The following XRCC5 variants were observed in gnomAD, a reference collection of about 807,000 sequenced individuals.
The protein encoded by XRCC5 is X-ray repair cross complementing 5.
A neutral mutation model predicts 95.7 loss-of-function variants in XRCC5; 12 were observed. The observed-to-expected ratio is 0.13, with a 90% CI of 0.08 to 0.20. The LOEUF is 0.20. Ranked by LOEUF, XRCC5 falls within the 10% of genes least tolerant of loss-of-function variation. The pLI is 1.00. For missense variants in XRCC5, 595 were observed against 873.9 expected (o/e 0.68, Z 4.02); for synonymous variants, 281 against 290.3 (o/e 0.97, Z 0.33).
intron 17 of XRCC5, among the ~76,000 whole-genome samples, chr2:216,192,144 G>T (rs1228401141): frequency 6.6e-6 from 1 of 151,994 alleles, no homozygotes; most frequent in Non-Finnish European, 1.5e-5. Context: ...GAATACATGC[G>T]CCTGCCACCG....
At chr2:216,127,753 A>G (rs1237411789) in intron 8 of XRCC5, 79 bp downstream of exon 8, 4 of 1,420,810 alleles carry the variant, frequency 2.8e-6, no homozygotes, top group Non-Finnish European at 3.8e-6. Flanking sequence ...GGTTTGTATT[A>G]TTCTTTGTTT....
intron 6 of XRCC5, among the ~76,000 whole-genome samples, chr2:216,122,730 A>T (rs1574454143): frequency 6.6e-6 from 1 of 151,464 alleles, no homozygotes. Context: ...TAAACTTTTG[A>T]TCACAAAGCA....
chr2:216,187,598 G>A (rs965446227), intron 16 of XRCC5, among the ~76,000 whole-genome samples: 2 of 150,868 alleles, frequency 1.3e-5, no homozygotes, highest in Admixed American at 6.6e-5. Context: ...TTTTCGCAAA[G>A]CAATTTAGTA....
At chr2:216,146,989 A>C (rs1384672356) in intron 13 of XRCC5, among the ~76,000 whole-genome samples, 1 of 152,226 alleles carries the variant, frequency 6.6e-6, no homozygotes, top group Admixed American at 6.5e-5. Flanking sequence ...AGGGTTAGAT[A>C]ATAAACAAGT....
At chr2:216,159,967 C>CTTTTTT in intron 14 of XRCC5, 101 bp from the exon 15 acceptor site, 1 of 581,298 alleles carries the variant, frequency 1.7e-6, no homozygotes, top group Non-Finnish European at 2.7e-6. Flanking sequence ...TCTTCTTCTT[C>CTTTTTT]TTTTTTCTTT....
chr2:216,141,194 T>C lies in XRCC5; in HGVS notation c.1351T>C (p.Leu451=), dbSNP rs766808840. ...SKKYAPTEAQ[L]NAVDALIDSM... ...CGGCTTCTCTGTTTAAGAGGCACAG[T>C]TGAATGCTGTTGATGCTTTGATTGA... Residue 451 remains leucine, a synonymous_variant, in exon 13 of 21, where the codon TTG becomes CTG. Transcript: ENST00000392132. The C allele has an allele frequency of 6.2e-7, 1 of 1,614,102 alleles. No individual in the cohort carries two copies. The highest frequency in any genetic ancestry group is 8.5e-7 in the Non-Finnish European group (1 of 1,180,000).
chr2:216,125,931 A>T lies in XRCC5; in HGVS notation c.698A>T (p.Lys233Ile), dbSNP rs774011576. 6.2e-7 allele frequency: 1 copy of T among 1,613,632 alleles called. No individual in the cohort carries two copies. The highest frequency in any genetic ancestry group is 1.7e-5 in the Admixed American group (1 of 60,004). Residue 233 changes from lysine (K) to isoleucine (I), a missense_variant, in exon 7 of 21, where the codon AAA becomes ATA. Lys to Ile is a moderately radical substitution (Grantham distance 102, BLOSUM62 -3). Transcript: ENST00000392132. The stretch of plus-strand genomic sequence containing the variant: ...TCTTTATTAAGTGAGAGTCTGAGAA[A>T]ACTGTGCGTCTTCAAGAAAATTGAG... ...EIYSFSESLR[K>I]LCVFKKIERH...
At chr2:216,121,802 G>T (rs750405351) in intron 5 of XRCC5, among the ~76,000 whole-genome samples, 3 of 152,160 alleles carry the variant, frequency 2.0e-5, no homozygotes, top group South Asian at 2.1e-4. Context: ...GAGACCCTGG[G>T]TCTGGACTTC....
intron 1 of XRCC5, among the ~76,000 whole-genome samples, chr2:216,111,055 A>G (rs1696583070): frequency 6.6e-6 from 1 of 152,206 alleles, no homozygotes; most frequent in African/African-American, 2.4e-5. Flanking sequence ...CAGGTTTTTA[A>G]AACATTTCTA....
At chr2:216,202,806 G>A (rs571485282) in intron 19 of XRCC5, among the ~76,000 whole-genome samples, 2 of 152,282 alleles carry the variant, frequency 1.3e-5, no homozygotes, top group African/African-American at 2.4e-5. Context: ...TTATGTCCAT[G>A]GTGCTGACAA....
At chr2:216,171,203 A>C (rs1689159153) in intron 16 of XRCC5, among the ~76,000 whole-genome samples, 2 of 152,252 alleles carry the variant, frequency 1.3e-5, no homozygotes, top group African/African-American at 4.8e-5. Context: ...ATGCAATAAA[A>C]GTGTTTGGGT....
intron 14 of XRCC5, chr2:216,156,317 T>C (rs947912351): frequency 1.6e-6 from 1 of 635,096 alleles, no homozygotes; most frequent in South Asian, 1.4e-5. Flanking sequence ...AGAAGCAATA[T>C]GATGCTGTGG....
chr2:216,197,998 C>T (rs913177687), intron 19 of XRCC5, among the ~76,000 whole-genome samples: 5 of 152,142 alleles, frequency 3.3e-5, no homozygotes, highest in Admixed American at 1.3e-4. Flanking sequence ...GTATCCAACT[C>T]CCGAACCAAA....
At chr2:216,134,138 T>C (rs927993906) in intron 10 of XRCC5, among the ~76,000 whole-genome samples, 1 of 152,244 alleles carries the variant, frequency 6.6e-6, no homozygotes, top group South Asian at 2.1e-4. Flanking sequence ...TTATCACCAC[T>C]AGTCAGATGT....
intron 14 of XRCC5, among the ~76,000 whole-genome samples, chr2:216,150,620 C>T (rs1403920804): frequency 6.6e-6 from 1 of 152,064 alleles, no homozygotes; most frequent in East Asian, 1.9e-4. Flanking sequence ...CATATATAAA[C>T]GTATCTAATG....
At chr2:216,114,572 G>A (rs751914135) in intron 2 of XRCC5, among the ~76,000 whole-genome samples, 51 of 151,790 alleles carry the variant, frequency 3.4e-4, no homozygotes, top group Non-Finnish European at 7.1e-4. Context: ...TTAGAAATCC[G>A]TCCCTCTGAA....
chr2:216,113,269 C>T (rs1414892703), intron 2 of XRCC5, 140 bp downstream of exon 2: 2 of 644,384 alleles, frequency 3.1e-6, no homozygotes, highest in Non-Finnish European at 5.3e-6. Context: ...CTTACATGTA[C>T]TCACATACAA....
intron 16 of XRCC5, 87 bp downstream of exon 16, chr2:216,162,135 G>C (rs1287436819): frequency 6.9e-6 from 9 of 1,299,804 alleles, no homozygotes; most frequent in Non-Finnish European, 1.0e-5. Context: ...GCCTTTTGTT[G>C]TAACACTTTA....
At chr2:216,131,999 C>A (rs555969268) in intron 9 of XRCC5, among the ~76,000 whole-genome samples, 13 of 152,280 alleles carry the variant, frequency 8.5e-5, no homozygotes, top group African/African-American at 2.6e-4. Flanking sequence ...GCTTGGTGCC[C>A]TCCTTATGTG....
Sources: allele counts gnomAD v4.1 joint callset (sites outside exome capture counted in the v4.1 genomes callset), GRCh38; gene constraint gnomAD v4.1.1; transcripts MANE v1.5; gene names NCBI Gene and HGNC (gene_info 2026-07-23, HGNC 2026-07-21).